DCTN6: variants seen among roughly 807,000 people sequenced by gnomAD.
The protein encoded by DCTN6 is dynactin subunit 6, also known as dynactin 6.
DCTN6 carries 15 observed loss-of-function variants against 25.8 expected under a neutral mutation model. The ratio of observed to expected loss-of-function variants is 0.58; its 90% CI spans 0.39 to 0.89. The LOEUF (loss-of-function observed/expected upper bound fraction) is 0.89, where lower values mean the gene tolerates loss of function less well. Among genes scored for constraint, DCTN6 ranks in the 40% least tolerant of loss-of-function variants. The pLI, the probability that DCTN6 is intolerant of heterozygous loss-of-function variation, is 0.00. For synonymous variants in DCTN6, 64 were observed against 78.3 expected, an observed-to-expected ratio of 0.82 and a Z score of 0.96; for missense variants, 198 against 237.6, an observed-to-expected ratio of 0.83 and a Z score of 1.09.
At chr8:30,179,307 GAC>G in intron 4 of DCTN6, 99 bp from the exon 5 acceptor site, 1 of 918,056 alleles carries the variant, frequency 1.1e-6, no homozygotes, top group Non-Finnish European at 1.6e-6. Context: ...TGGCCCATCT[GAC>G]ACCCCTGTCC....
At chr8:30,157,663 G>A (rs117732461) in intron 1 of DCTN6, among the ~76,000 whole-genome samples, 2 of 152,314 alleles carry the variant, frequency 1.3e-5, no homozygotes, top group East Asian at 3.9e-4. Context: ...AGGAAGTTTG[G>A]CTTCTTCTCC....
Position 30,163,772 on chromosome 8 carries a change from G to A in DCTN6, c.24-339G>A, listed in dbSNP as rs181595855. 6.9e-4 allele frequency among the ~76,000 whole-genome samples: 102 copies of A among 148,520 alleles called. 3 individuals are homozygous for A. In the East Asian group the frequency reaches 0.019, roughly 28 times the overall value. On this transcript the variant is annotated intron_variant, in intron 1 of 6. Transcript: ENST00000221114. Reference sequence around the variant, plus strand: ...TGCTTGAGTGCAATGGCGCGATCTCGGCTCACTGCAAACTCTGTCTCCCGA... The same window carrying A: ...TGCTTGAGTGCAATGGCGCGATCTCAGCTCACTGCAAACTCTGTCTCCCGA...
chr8:30,173,159 T>C (rs1037411482), intron 2 of DCTN6, among the ~76,000 whole-genome samples: 5 of 152,166 alleles, frequency 3.3e-5, no homozygotes, highest in African/African-American at 1.2e-4. Flanking sequence ...TGTTGGGATG[T>C]TGGACTGAGC....
intron 2 of DCTN6, among the ~76,000 whole-genome samples, chr8:30,170,040 G>T (rs1007574760): frequency 6.6e-6 from 1 of 152,136 alleles, no homozygotes; most frequent in Admixed American, 6.5e-5. Flanking sequence ...GGGCGTGGTG[G>T]TGGGCTCCTG....
At chr8:30,176,183 GCTAGCATCTTCTTTC>G (rs1803829009) in intron 3 of DCTN6, among the ~76,000 whole-genome samples, 1 of 152,200 alleles carries the variant, frequency 6.6e-6, no homozygotes, top group South Asian at 2.1e-4. Flanking sequence ...TAAAAAGATA[GCTAGCATCTTCTTTC>G]CTTTGTCCTG....
At chr8:30,182,815 C>T (rs931613303) in intron 6 of DCTN6, among the ~76,000 whole-genome samples, 4 of 152,024 alleles carry the variant, frequency 2.6e-5, no homozygotes, top group African/African-American at 4.8e-5. Flanking sequence ...GCACCCCTGC[C>T]GCCCTGCTTC....
intron 4 of DCTN6, among the ~76,000 whole-genome samples, chr8:30,179,131 C>T (rs904510416): frequency 6.6e-6 from 1 of 152,134 alleles, no homozygotes. Flanking sequence ...TTTTAATTAT[C>T]TTGAAACAAT....
At chr8:30,162,550 C>T (rs533138360) in intron 1 of DCTN6, among the ~76,000 whole-genome samples, 1 of 152,280 alleles carries the variant, frequency 6.6e-6, no homozygotes, top group Admixed American at 6.5e-5. Flanking sequence ...TAGAAAAATT[C>T]TTTTATTAAT....
At chr8:30,176,054 A>G (rs2117594564) in intron 3 of DCTN6, among the ~76,000 whole-genome samples, 1 of 152,338 alleles carries the variant, frequency 6.6e-6, no homozygotes, top group South Asian at 2.1e-4. Context: ...TATTTCAACT[A>G]GCTAACTAAT....
intron 2 of DCTN6, among the ~76,000 whole-genome samples, chr8:30,168,376 T>C (rs538452961): frequency 5.9e-5 from 9 of 152,326 alleles, no homozygotes; most frequent in Admixed American, 2.0e-4. Context: ...TCTGATGTAA[T>C]GCATCAGATT....
intron 6 of DCTN6, chr8:30,180,858 T>A: frequency 1.8e-6 from 1 of 562,402 alleles, no homozygotes; most frequent in Non-Finnish European, 3.1e-6. Context: ...ATAGTGAGAC[T>A]CTGTCTCTAC....
intron 1 of DCTN6, among the ~76,000 whole-genome samples, chr8:30,160,823 T>C (rs1175418659): frequency 1.3e-5 from 2 of 152,204 alleles, no homozygotes; most frequent in East Asian, 3.8e-4. Context: ...CCACAGATAC[T>C]GGGTACTGAG....
intron 6 of DCTN6, chr8:30,181,130 C>G (rs1393925785): frequency 1.3e-5 from 2 of 154,384 alleles, no homozygotes; most frequent in East Asian, 3.8e-4. Flanking sequence ...ATTATTTAGT[C>G]TTTAGGTTAA....
At chr8:30,179,188 C>A (rs993066847) in intron 4 of DCTN6, among the ~76,000 whole-genome samples, 1 of 152,078 alleles carries the variant, frequency 6.6e-6, no homozygotes, top group African/African-American at 2.4e-5. Flanking sequence ...GTGCTCATTT[C>A]TTTAAAAACA....
At chr8:30,157,023 T>C (rs1803535805) in intron 1 of DCTN6, among the ~76,000 whole-genome samples, 1 of 152,198 alleles carries the variant, frequency 6.6e-6, no homozygotes, top group Admixed American at 6.5e-5. Flanking sequence ...TGAAGTTGGC[T>C]TCTAGTGTAC....
chr8:30,162,951 TC>T (rs1404730859), intron 1 of DCTN6, among the ~76,000 whole-genome samples: 1 of 151,932 alleles, frequency 6.6e-6, no homozygotes, highest in African/African-American at 2.4e-5. Context: ...CTCACTTCAC[TC>T]TTTTTTACTT....
In DCTN6 at chr8:30,164,164, A is replaced by C; in HGVS notation, c.77A>C (p.Asp26Ala). The C allele has an allele frequency of 6.2e-7, 1 of 1,611,908 alleles. No homozygotes were observed. Among genetic ancestry groups the C allele is most frequent in the Non-Finnish European group, 8.5e-7 (1 of 1,177,952 alleles). Residue 26 changes from aspartate to alanine, a missense_variant, in exon 2 of 7, where the codon GAT becomes GCT. Coordinates refer to ENST00000221114, the MANE Select transcript of DCTN6 (RefSeq NM_006571.4). ...VVCVESEIRG[D>A]VTIGPRTVIH... ...TGTGTAGAAAGTGAAATCAGAGGAG[A>C]TGTAACTATCGGTAAGAAATAGTTT...
intron 1 of DCTN6, among the ~76,000 whole-genome samples, chr8:30,157,435 T>A (rs1803540931): frequency 6.6e-6 from 1 of 152,202 alleles, no homozygotes; most frequent in Admixed American, 6.5e-5. Context: ...TGGTTTCCTT[T>A]GAGTAGATCC....
chr8:30,177,400 A>G lies in DCTN6; in HGVS notation c.283+186A>G, dbSNP rs527861267. ...TACATTCACAATATATATTATAATT[A>G]CATTTTTAAAAGTAGGTCATCCAGG... On this transcript the variant is annotated intron_variant, in intron 4 of 6. Transcript: ENST00000221114. 6.4e-6 allele frequency: 3 copies of G among 466,334 alleles called. No homozygotes were observed. In the East Asian group the frequency reaches 1.1e-4, roughly 18 times the overall value. 28.9% of individuals were successfully genotyped at this position (466,334 alleles called of 1,614,324 possible). A position where few individuals can be genotyped will look rare whatever the true frequency, so the allele number is the denominator to read the frequency against.
Sources: gnomAD v4.1 joint callset for allele counts (sites outside exome capture counted in the v4.1 genomes callset) on GRCh38, gnomAD v4.1.1 for gene constraint, MANE v1.5 for transcripts, NCBI Gene and HGNC (gene_info 2026-07-23, HGNC 2026-07-21) for gene names.